The following HMCES variants were observed in gnomAD, a reference collection of about 807,000 sequenced individuals.
HMCES encodes abasic site processing protein HMCES.
A neutral mutation model predicts 35.1 loss-of-function variants in HMCES; 27 were observed. That is an observed-to-expected ratio of 0.77 (90% CI 0.57 to 1.06). HMCES has a LOEUF of 1.06. Among genes scored for constraint, HMCES ranks in the 50% least tolerant of loss-of-function variants. The pLI, the probability that HMCES is intolerant of heterozygous loss-of-function variation, is 0.00. For missense variants in HMCES, 391 were observed against 430.4 expected (o/e 0.91, Z 0.81); for synonymous variants, 130 against 154.7 (o/e 0.84, Z 1.18).
At chr3:129,292,168 C>T (rs1020528931) in intron 4 of HMCES, among the ~76,000 whole-genome samples, 1 of 152,146 alleles carries the variant, frequency 6.6e-6, no homozygotes, top group African/African-American at 2.4e-5. Flanking sequence ...TCTGACATGC[C>T]AACATCATGT....
At chr3:129,292,100 C>T (rs2071025415) in intron 4 of HMCES, among the ~76,000 whole-genome samples, 1 of 152,080 alleles carries the variant, frequency 6.6e-6, no homozygotes, top group African/African-American at 2.4e-5. Flanking sequence ...AACCCTTTCA[C>T]TGTAAGACAT....
chr3:129,281,336 T>TG (rs1359837118), intron 2 of HMCES, among the ~76,000 whole-genome samples: 1 of 152,212 alleles, frequency 6.6e-6, no homozygotes, highest in Non-Finnish European at 1.5e-5. Context: ...TAAACTTTTG[T>TG]GATAATATGA....
At chr3:129,297,290 G>A (rs922341224) in intron 4 of HMCES, among the ~76,000 whole-genome samples, 2 of 152,168 alleles carry the variant, frequency 1.3e-5, no homozygotes, top group South Asian at 2.1e-4. Flanking sequence ...TCTATCTTAA[G>A]CAGATGTGGC....
intron 2 of HMCES, among the ~76,000 whole-genome samples, chr3:129,285,823 G>A (rs1431444514): frequency 5.3e-5 from 8 of 150,680 alleles, no homozygotes; most frequent in Non-Finnish European, 7.4e-5. Flanking sequence ...TGCACCTCCC[G>A]AGCTCAAGCA....
intron 2 of HMCES, among the ~76,000 whole-genome samples, chr3:129,287,937 GT>G (rs1315541242): frequency 6.6e-6 from 1 of 152,080 alleles, no homozygotes; most frequent in Non-Finnish European, 1.5e-5. Flanking sequence ...GAAGCCTGTA[GT>G]CCCGGCTACT....
intron 2 of HMCES, among the ~76,000 whole-genome samples, chr3:129,286,821 T>C (rs1940650339): frequency 6.6e-6 from 1 of 152,190 alleles, no homozygotes; most frequent in Non-Finnish European, 1.5e-5. Context: ...CTCTGCTCAC[T>C]GGTCTCTCCC....
rs142478855 is a variant in HMCES at position 129,301,792 on chromosome 3, T to A, written c.636-158T>A. ...TTGAATCTGGTGCCCTGTCACCCTG[T>A]GCTCAGGGAACACATGGCAGCAATC... On this transcript the variant is annotated intron_variant, in intron 5 of 6. Coordinates refer to ENST00000383463, the MANE Select transcript of HMCES (RefSeq NM_020187.3). Among the ~76,000 whole-genome samples the A allele has an allele frequency of 1.3e-3, 205 of 152,338 alleles. 2 individuals carry two copies. Among genetic ancestry groups the A allele is most frequent in the Middle Eastern group, 0.01 (3 of 294 alleles).
intron 2 of HMCES, among the ~76,000 whole-genome samples, chr3:129,281,572 T>A (rs1940484093): frequency 6.6e-6 from 1 of 152,068 alleles, no homozygotes; most frequent in Non-Finnish European, 1.5e-5. Context: ...GCGCCTGTAA[T>A]CTCAGCTACT....
chr3:129,286,342 C>G (rs7618759), intron 2 of HMCES, among the ~76,000 whole-genome samples: 10,129 of 152,272 alleles, frequency 0.067, 1,094 homozygotes, highest in African/African-American at 0.23. Flanking sequence ...AAGGCACCAT[C>G]TGTGAACCAG....
chr3:129,293,753 A>G (rs1022644437), intron 4 of HMCES, among the ~76,000 whole-genome samples: 2 of 151,712 alleles, frequency 1.3e-5, no homozygotes, highest in Non-Finnish European at 2.9e-5. Flanking sequence ...TTTTTAGTAG[A>G]GACAGGGTTT....
chr3:129,287,221 T>C (rs1464911339), intron 2 of HMCES, among the ~76,000 whole-genome samples: 1 of 151,884 alleles, frequency 6.6e-6, no homozygotes, highest in Admixed American at 6.6e-5. Context: ...TTTTTTGTTT[T>C]GTTTTGTTTT....
intron 3 of HMCES, among the ~76,000 whole-genome samples, chr3:129,290,270 T>C (rs956113490): frequency 7.2e-6 from 1 of 138,690 alleles, no homozygotes; most frequent in Admixed American, 6.8e-5. Flanking sequence ...AGACCTCAGA[T>C]TTTATGTATT....
Position 129,304,674 on chromosome 3 carries a change from A to G in HMCES, c.914A>G (p.Gln305Arg). Residue 305 changes from glutamine to arginine, a missense_variant, in exon 7 of 7, where the codon CAA (glutamine) becomes CGA (arginine). Transcript: ENST00000383463. ...AAAAAGGAAGACTCAAAAACACCTC[A>G]AAAGGAAGAGTCAGATGTTCCCCAG... ...SPKKEDSKTP[Q>R]KEESDVPQWS... is the part of the protein sequence containing the mutation. 6.2e-7 allele frequency: 1 copy of G among 1,614,224 alleles called. No homozygotes were observed. Among genetic ancestry groups the G allele is most frequent in the Non-Finnish European group, 8.5e-7 (1 of 1,180,052 alleles).
At position 129,299,831 on chromosome 3, in the gene HMCES, A is replaced by G. The variant is rs72981152; in HGVS notation, c.635+1296A>G. 2.4e-3 allele frequency among the ~76,000 whole-genome samples: 361 copies of G among 151,626 alleles called. 4 individuals are homozygous for G. The highest frequency in any genetic ancestry group is 8.2e-3 in the African/African-American group (340 of 41,372). On this transcript the variant is annotated intron_variant, in intron 5 of 6. Transcript: ENST00000383463. ...CACGCCTGGCTAACAGGGTTTCGCC[A>G]TGTTACCCAGGATGGTCTAGATCTC...
intron 5 of HMCES, among the ~76,000 whole-genome samples, chr3:129,300,166 T>TTA (rs35145445): frequency 0.12 from 17,213 of 140,914 alleles, 1,027 homozygotes; most frequent in African/African-American, 0.16. Context: ...ATGTGCATCT[T>TTA]TATATATATA....
At chr3:129,292,491 T>C (rs1252500675) in intron 4 of HMCES, among the ~76,000 whole-genome samples, 8 of 150,402 alleles carry the variant, frequency 5.3e-5, no homozygotes, top group East Asian at 2.0e-4. Flanking sequence ...AGTTTTTTTT[T>C]TTCTTCTTTT....
chr3:129,295,642 T>C (rs1013358566), intron 4 of HMCES, among the ~76,000 whole-genome samples: 3 of 152,104 alleles, frequency 2.0e-5, no homozygotes, highest in African/African-American at 2.4e-5. Context: ...TTCAGTACTT[T>C]AAAAAAATAC....
intron 4 of HMCES, among the ~76,000 whole-genome samples, chr3:129,291,861 C>T (rs1437713766): frequency 6.6e-6 from 1 of 152,240 alleles, no homozygotes; most frequent in East Asian, 1.9e-4. Flanking sequence ...GAGGCCAGAG[C>T]AGGTGGATTA....
At chr3:129,280,964 C>T (rs1209351182) in intron 2 of HMCES, among the ~76,000 whole-genome samples, 1 of 152,238 alleles carries the variant, frequency 6.6e-6, no homozygotes, top group Non-Finnish European at 1.5e-5. Flanking sequence ...TGGCCCACGC[C>T]TGTAATCCTA....
Sources: gnomAD v4.1 joint callset for allele counts (sites outside exome capture counted in the v4.1 genomes callset) on GRCh38, gnomAD v4.1.1 for gene constraint, MANE v1.5 for transcripts, NCBI Gene and HGNC (gene_info 2026-07-23, HGNC 2026-07-21) for gene names.